The following TCF7L2 variants were observed in gnomAD, a reference collection of about 807,000 sequenced individuals.
The protein encoded by TCF7L2 is transcription factor 7 like 2.
Under a neutral mutation model 77.9 loss-of-function variants are expected in TCF7L2, and 23 were observed. That is an observed-to-expected ratio of 0.30 (90% confidence interval 0.21 to 0.42). TCF7L2 has a LOEUF of 0.42. Ranked by LOEUF, TCF7L2 falls within the 10% of genes least tolerant of loss-of-function variation. TCF7L2 has a pLI of 1.00. For missense variants in TCF7L2, 654 were observed against 793.1 expected (o/e 0.82, Z 2.11); for synonymous variants, 413 against 340.2 (o/e 1.21, Z -2.36).
In TCF7L2 at chr10:113,097,964, C is replaced by T. The variant is rs189424442; in HGVS notation, c.553-43220C>T. On this transcript the variant is annotated intron_variant, in intron 5 of 13. Transcript: ENST00000627217. ...ACTCGGGAGGCTGAGGCAGGAGAAT[C>T]GCTTGAACCTGGGAGGTGGAGGTTG... Among the ~76,000 whole-genome samples the T allele has an allele frequency of 1.7e-3, 248 of 146,204 alleles. 1 individual carries two copies. The highest frequency in any genetic ancestry group is 5.7e-3 in the African/African-American group (225 of 39,526).
At chr10:113,129,799 C>T (rs1004584927) in intron 5 of TCF7L2, 1 of 1,285,426 alleles carries the variant, frequency 7.8e-7, no homozygotes, top group Non-Finnish European at 1.0e-6. Context: ...AAAACTGGCC[C>T]AGTCCCATCT....
intron 3 of TCF7L2, among the ~76,000 whole-genome samples, chr10:112,963,811 C>T (rs2035879050): frequency 2.0e-5 from 3 of 152,144 alleles, no homozygotes; most frequent in Non-Finnish European, 2.9e-5. Flanking sequence ...AGACTTAGAC[C>T]TTGGGGAGGG....
intron 5 of TCF7L2, among the ~76,000 whole-genome samples, chr10:113,066,913 T>A (rs1188089570): frequency 6.6e-6 from 1 of 152,206 alleles, no homozygotes; most frequent in Non-Finnish European, 1.5e-5. Context: ...TTAGCCCATC[T>A]CCTCATTGGG....
At chr10:113,035,855 C>A (rs537398579) in intron 4 of TCF7L2, among the ~76,000 whole-genome samples, 1 of 152,168 alleles carries the variant, frequency 6.6e-6, no homozygotes, top group Non-Finnish European at 1.5e-5. Context: ...TGGCTGCTTT[C>A]GAGTTACAAT....
chr10:113,152,222 A>G (rs2070904051), intron 10 of TCF7L2, 111 bp from the exon 11 acceptor site: 26 of 1,006,478 alleles, frequency 2.6e-5, no homozygotes, highest in Non-Finnish European at 3.8e-5. Context: ...GGACGGACTC[A>G]CCCAAAAAGG....
In TCF7L2 at chr10:113,141,035, G is replaced by C. The variant is rs756956945; in HGVS notation, c.553-149G>C. 61 of 890,078 alleles carry C rather than the reference G, an allele frequency of 6.9e-5. 1 individual carries two copies. Among genetic ancestry groups the C allele is most frequent in the African/African-American group, 1.8e-4 (11 of 59,510 alleles). 55.1% of individuals were successfully genotyped at this position (890,078 alleles called of 1,614,324 possible). A position where few individuals can be genotyped will look rare whatever the true frequency, so the allele number is the denominator to read the frequency against. Reference sequence around the variant, plus strand: ...ACTATCTATTATTTTCACATGGACTGGGGGGAGTATGGGATGGGCAGAGTT... The same window carrying C: ...ACTATCTATTATTTTCACATGGACTCGGGGGAGTATGGGATGGGCAGAGTT... On this transcript the variant is annotated intron_variant, in intron 5 of 13. Transcript: ENST00000627217.
chr10:113,050,389 G>T (rs1308924215), intron 5 of TCF7L2, among the ~76,000 whole-genome samples: 1 of 151,290 alleles, frequency 6.6e-6, no homozygotes, highest in Non-Finnish European at 1.5e-5. Flanking sequence ...AGAGGTGGGG[G>T]TGTTATCAAG....
chr10:113,098,794 A>G (rs768418138), intron 5 of TCF7L2, among the ~76,000 whole-genome samples: 2 of 152,238 alleles, frequency 1.3e-5, no homozygotes, highest in Non-Finnish European at 1.5e-5. Flanking sequence ...ACGAATTGTA[A>G]TATAAATTCG....
At chr10:113,023,649 G>GTTTAA (rs2048600537) in intron 4 of TCF7L2, among the ~76,000 whole-genome samples, 1 of 151,532 alleles carries the variant, frequency 6.6e-6, no homozygotes, top group Admixed American at 6.6e-5. Context: ...TTTTTCTATT[G>GTTTAA]TTTTATTTTA....
In TCF7L2 at chr10:113,165,814, T is replaced by C. The variant is rs752508884; in HGVS notation, c.1651T>C (p.Cys551Arg). The change falls in exon 14 of 14, where the codon TGT becomes CGT. Residue 551 changes from cysteine to arginine, a missense_variant. Transcript: ENST00000627217. ...GGCCACCCACAAGGCCTCCGCCCTC[T>C]GTCCCAACGGGGCCCTGGACCTGCC... The C allele has an allele frequency of 5.0e-6, 8 of 1,604,958 alleles. No homozygotes were observed. The East Asian group carries it at 1.8e-4, about 36-fold the overall frequency.
intron 3 of TCF7L2, among the ~76,000 whole-genome samples, chr10:112,963,624 A>G (rs77657611): frequency 0.046 from 7,018 of 152,262 alleles, 247 homozygotes; most frequent in Non-Finnish European, 0.072. Context: ...TGATTATTGT[A>G]TTGTTTATAA....
At chr10:113,074,513 G>A (rs1378247665) in intron 5 of TCF7L2, among the ~76,000 whole-genome samples, 2 of 152,072 alleles carry the variant, frequency 1.3e-5, no homozygotes, top group African/African-American at 2.4e-5. Flanking sequence ...ATAAATATTA[G>A]GGACATTTAA....
chr10:113,136,251 C>A (rs527617130), intron 5 of TCF7L2, among the ~76,000 whole-genome samples: 19 of 152,292 alleles, frequency 1.2e-4, no homozygotes, highest in Non-Finnish European at 1.3e-4. Flanking sequence ...CACCATTAAA[C>A]GGCGGCCACC....
intron 4 of TCF7L2, among the ~76,000 whole-genome samples, chr10:113,012,373 G>C (rs755539200): frequency 6.6e-6 from 1 of 152,128 alleles, no homozygotes; most frequent in Non-Finnish European, 1.5e-5. Context: ...AGAAACCATC[G>C]GGATAGTGTT....
Position 113,151,225 on chromosome 10 carries a change from G to C in TCF7L2, c.1001+102G>C. Reference sequence around the variant, plus strand: ...TTTCTGCCTAAGGTTGGCCTCGTTTGGTTTGACTGCAGCCAATACCCAGCC... The same window carrying C: ...TTTCTGCCTAAGGTTGGCCTCGTTTCGTTTGACTGCAGCCAATACCCAGCC... On this transcript the variant is annotated intron_variant, in intron 9 of 13. Coordinates refer to ENST00000627217, the MANE Select transcript of TCF7L2 (RefSeq NM_001146274.2). The surrounding 1 kb of genome is among the most constrained non-coding windows in gnomAD (Gnocchi z 5.2). 1 of 1,532,556 alleles carries C rather than the reference G, an allele frequency of 6.5e-7. No individual in the cohort carries two copies. The highest frequency in any genetic ancestry group is 8.9e-7 in the Non-Finnish European group (1 of 1,122,980). The allele number at this position is 1,532,556 out of a possible 1,614,324, so 94.9% of individuals were successfully genotyped here.
At chr10:113,075,417 C>T (rs997150350) in intron 5 of TCF7L2, among the ~76,000 whole-genome samples, 2 of 151,554 alleles carry the variant, frequency 1.3e-5, no homozygotes, top group African/African-American at 4.9e-5. Context: ...TGAGATCGTG[C>T]CATTGCACTC....
chr10:113,107,213 T>C (rs1035162924), intron 5 of TCF7L2, among the ~76,000 whole-genome samples: 2 of 152,190 alleles, frequency 1.3e-5, no homozygotes, highest in Non-Finnish European at 2.9e-5. Context: ...TGGTTGGGAA[T>C]GGACTATGTT....
chr10:113,059,860 C>T (rs2056132555), intron 5 of TCF7L2, among the ~76,000 whole-genome samples: 1 of 152,128 alleles, frequency 6.6e-6, no homozygotes, highest in Admixed American at 6.5e-5. Context: ...ATTGTTTTCT[C>T]CTTAATTATC....
intron 4 of TCF7L2, among the ~76,000 whole-genome samples, chr10:113,039,464 A>C (rs1174466966): frequency 2.0e-5 from 3 of 152,120 alleles, no homozygotes; most frequent in African/African-American, 4.8e-5. Flanking sequence ...TTGTTGAGTA[A>C]ACTTGGGTTG....
Sources: allele counts gnomAD v4.1 joint callset (sites outside exome capture counted in the v4.1 genomes callset), GRCh38; gene constraint gnomAD v4.1.1; non-coding constraint Gnocchi (gnomAD v3.1); transcripts MANE v1.5; gene names NCBI Gene and HGNC (gene_info 2026-07-23, HGNC 2026-07-21).